The following SLIT3 variants were observed in gnomAD, a reference collection of about 807,000 sequenced individuals.
SLIT3 encodes the protein slit guidance ligand 3, also known as slit homolog 3 protein.
Under a neutral mutation model 184.0 loss-of-function variants are expected in SLIT3, and 68 were observed. The ratio of observed to expected loss-of-function variants is 0.37; its 90% CI spans 0.30 to 0.45. The LOEUF (loss-of-function observed/expected upper bound fraction) is 0.45, where lower values mean the gene tolerates loss of function less well. SLIT3 is among the 20% of genes least tolerant of loss of function. SLIT3 has a pLI of 1.00. For missense variants in SLIT3, 1,707 were observed against 2,026.0 expected (o/e 0.84, Z 3.02); for synonymous variants, 831 against 828.6 (o/e 1.00, Z -0.05).
chr5:168,678,826 A>C (rs1039479266), intron 32 of SLIT3, among the ~76,000 whole-genome samples: 2 of 152,210 alleles, frequency 1.3e-5, no homozygotes, highest in Non-Finnish European at 2.9e-5. Context: ...AAAAGAAATG[A>C]TGATATAGTG....
rs756727183 is a variant in SLIT3 at position 168,685,738 on chromosome 5, G to T, written c.3504C>A (p.Tyr1168Ter). The change falls in exon 31 of 36, where the codon TAC becomes TAA. Residue 1168 changes from tyrosine to a stop codon, truncating the protein, a stop_gained. Transcript: ENST00000519560. LOFTEE classifies it high-confidence loss of function. ...GGACCTTGGCGGAGGCCAGTTCCACGTAGGAGTCTTTGCCCACGAAGTTGA... is the reference window on the plus strand; with the variant it reads ...GGACCTTGGCGGAGGCCAGTTCCACTTAGGAGTCTTTGCCCACGAAGTTGA... ...ITVNFVGKDS[Y>*]VELASAKVRP... 2.5e-6 allele frequency: 4 copies of T among 1,597,690 alleles called. No homozygotes were observed. In the Admixed American group the frequency reaches 6.8e-5, roughly 27 times the overall value.
intron 14 of SLIT3, among the ~76,000 whole-genome samples, chr5:168,764,479 T>C (rs577409206): frequency 9.2e-4 from 140 of 152,310 alleles, no homozygotes; most frequent in African/African-American, 3.2e-3. Context: ...CCCAGGTCCC[T>C]GTAGGAATGA....
chr5:168,752,916 A>T, intron 18 of SLIT3, 39 bp downstream of exon 18: 7 of 1,603,538 alleles, frequency 4.4e-6, no homozygotes, highest in Non-Finnish European at 6.0e-6. Context: ...GCAGAGTGGG[A>T]TCCCAGAGTC....
At chr5:169,288,532 TA>T (rs1360120660) in intron 1 of SLIT3, among the ~76,000 whole-genome samples, 3 of 152,086 alleles carry the variant, frequency 2.0e-5, no homozygotes, top group African/African-American at 7.2e-5. Flanking sequence ...GCTCTGAACC[TA>T]GCATGGTAGC....
intron 34 of SLIT3, 125 bp downstream of exon 34, chr5:168,671,073 C>G: frequency 1.8e-6 from 2 of 1,087,688 alleles, no homozygotes; most frequent in Non-Finnish European, 2.6e-6. Flanking sequence ...TACACTTACA[C>G]AGATCCTATC....
At chr5:168,743,970 T>C (rs111295795) in intron 20 of SLIT3, among the ~76,000 whole-genome samples, 7,543 of 152,182 alleles carry the variant, frequency 0.05, 687 homozygotes, top group African/African-American at 0.17. Flanking sequence ...AGTTTGAAGC[T>C]AGCAATAGTT....
chr5:169,140,480 CAAAAAAAAAAAAAAAA>C (rs34881862), intron 4 of SLIT3, among the ~76,000 whole-genome samples: 4 of 46,924 alleles, frequency 8.5e-5, no homozygotes, highest in African/African-American at 1.1e-4. Flanking sequence ...AACTCTAACT[CAAAAAAAAAAAAAAAA>C]AAAAAAAAAA....
At chr5:169,135,087 T>C (rs1761453424) in intron 4 of SLIT3, among the ~76,000 whole-genome samples, 1 of 152,126 alleles carries the variant, frequency 6.6e-6, no homozygotes, top group East Asian at 1.9e-4. Context: ...AATGAGAGGG[T>C]GGACTTGATC....
At chr5:168,853,918 G>C (rs1240223673) in intron 5 of SLIT3, among the ~76,000 whole-genome samples, 1 of 152,146 alleles carries the variant, frequency 6.6e-6, no homozygotes, top group African/African-American at 2.4e-5. Context: ...CATCTTCTAG[G>C]AGACCTTCCT....
chr5:169,274,609 G>T (rs1227483168), intron 1 of SLIT3, among the ~76,000 whole-genome samples: 3 of 152,190 alleles, frequency 2.0e-5, no homozygotes, highest in Admixed American at 2.0e-4. Flanking sequence ...ATGACTGATG[G>T]GAACTGGATT....
At chr5:169,021,031 A>G (rs61015255) in intron 4 of SLIT3, among the ~76,000 whole-genome samples, 24,138 of 152,132 alleles carry the variant, frequency 0.16, 2,321 homozygotes, top group East Asian at 0.51. Context: ...AGTGTGACAG[A>G]CCTGGCTTTC....
At chr5:168,801,947 T>C (rs1044150783) in intron 9 of SLIT3, among the ~76,000 whole-genome samples, 2 of 152,160 alleles carry the variant, frequency 1.3e-5, no homozygotes, top group African/African-American at 2.4e-5. Flanking sequence ...GCATGAGAGA[T>C]AGGCAACCCC....
intron 23 of SLIT3, among the ~76,000 whole-genome samples, chr5:168,713,744 G>A (rs1467117873): frequency 6.6e-6 from 1 of 152,234 alleles, no homozygotes; most frequent in East Asian, 1.9e-4. Flanking sequence ...ATAGAGAACA[G>A]TGGCTCTCAC....
chr5:168,880,443 A>T (rs1561983901), intron 5 of SLIT3, among the ~76,000 whole-genome samples: 1 of 152,184 alleles, frequency 6.6e-6, no homozygotes, highest in Admixed American at 6.5e-5. Flanking sequence ...CATCTTATAC[A>T]GTTTTGCCTT....
intron 4 of SLIT3, among the ~76,000 whole-genome samples, chr5:168,997,886 T>C (rs1755568685): frequency 6.6e-6 from 1 of 152,202 alleles, no homozygotes; most frequent in South Asian, 2.1e-4. Flanking sequence ...CTTGCATGGC[T>C]TTATCTGTAG....
chr5:168,748,407 C>T lies in SLIT3; in HGVS notation c.2165G>A (p.Ser722Asn), dbSNP rs1754574353. 3 of 1,522,748 alleles carry T rather than the reference C, an allele frequency of 2.0e-6. No homozygotes were observed. In the East Asian group the frequency reaches 8.0e-5, roughly 41 times the overall value. 94.3% of individuals were successfully genotyped at this position (1,522,748 alleles called of 1,614,324 possible). The change falls in exon 20 of 36, where the codon AGC becomes AAC. Residue 722 changes from serine to asparagine, a missense_variant. By Grantham distance (46) the Ser-to-Asn change is conservative (BLOSUM62 1). This residue lies in a region of SLIT3 where 1,307 missense variants were observed against 1,511.6 expected (regional missense o/e 0.86). Transcript: ENST00000519560. The part of the protein sequence containing the change: ...DGNEESSCQL[S>N]PRCPEQCTCM... ...GGTGCACTGCTCCGGGCAGCGCGGG[C>T]TCAGCTGGCAGCTACTCTCCTCGTT...
At position 168,719,006 on chromosome 5, in the gene SLIT3, A is replaced by G. The variant is rs181742297; in HGVS notation, c.2483+3250T>C. Reference sequence around the variant, plus strand: ...TTTTAAAAAGCCAATCTTTCTTCCAACTCCCTCAGTTGTAAATATGTTACC... The same window carrying G: ...TTTTAAAAAGCCAATCTTTCTTCCAGCTCCCTCAGTTGTAAATATGTTACC... On this transcript the variant is annotated intron_variant, in intron 23 of 35. Transcript: ENST00000519560. 2.4e-3 allele frequency among the ~76,000 whole-genome samples: 370 copies of G among 152,092 alleles called. 2 individuals carry two copies. Among genetic ancestry groups the G allele is most frequent in the Middle Eastern group, 6.8e-3 (2 of 294 alleles).
chr5:169,011,871 C>T (rs910379930), intron 4 of SLIT3, among the ~76,000 whole-genome samples: 1 of 151,458 alleles, frequency 6.6e-6, no homozygotes, highest in East Asian at 1.9e-4. Context: ...CTGTATAGCA[C>T]TGCCCACTTT....
At chr5:169,147,945 G>A (rs901435041) in intron 4 of SLIT3, among the ~76,000 whole-genome samples, 3 of 152,098 alleles carry the variant, frequency 2.0e-5, no homozygotes, top group African/African-American at 7.2e-5. Flanking sequence ...TGCCCTGTAC[G>A]CCTGAAGCCA....
Sources: gnomAD v4.1 joint callset for allele counts (sites outside exome capture counted in the v4.1 genomes callset) on GRCh38, gnomAD v4.1.1 for gene constraint, gnomAD v4.1.1 regional missense constraint, MANE v1.5 for transcripts, NCBI Gene and HGNC (gene_info 2026-07-23, HGNC 2026-07-21) for gene names.